DMD: variants seen among roughly 807,000 people sequenced by gnomAD.
DMD encodes mutant dystrophin.
Under a neutral mutation model 330.1 loss-of-function variants are expected in DMD, and 63 were observed. The ratio of observed to expected loss-of-function variants is 0.19; its 90% CI spans 0.16 to 0.24. The LOEUF (loss-of-function observed/expected upper bound fraction) is 0.24. DMD is among the 10% of genes least tolerant of loss of function. The probability of loss-of-function intolerance (pLI) is 1.00; values close to 1 mark genes in which losing one functional copy is unlikely to be tolerated. For synonymous variants in DMD, 1,223 were observed against 959.8 expected (o/e 1.27, Z -5.07); for missense variants, 3,344 against 2,684.1 (o/e 1.25, Z -5.43).
chrX:32,543,330 CT>C lies in DMD; in HGVS notation c.2168+1828del, dbSNP rs756531179. On this transcript the variant is annotated intron_variant, in intron 17 of 78. Coordinates refer to ENST00000357033, the MANE Select transcript of DMD (RefSeq NM_004006.3). ...GAAAACAAAAAGAAGTCAGAACACA[CT>C]TTTTTTTTTTTTCCAACACAATCCA... Among the ~76,000 whole-genome samples the C allele has an allele frequency of 2.9e-3, 297 of 103,591 alleles. 2 individuals carry two copies. Among genetic ancestry groups the C allele is most frequent in the Middle Eastern group, 4.9e-3 (1 of 204 alleles). 90.0% of individuals were successfully genotyped at this position (103,591 alleles called of 115,157 possible). A position where few individuals can be genotyped will look rare whatever the true frequency, so the allele number is the denominator to read the frequency against.
rs1374590369 is a variant in DMD at position 33,211,292 on chromosome X, T to C, written c.21A>G (p.Val7=). The change falls in exon 1 of 79, where the codon GTA becomes GTG. Residue 7 remains valine (V), a synonymous_variant. Transcript: ENST00000357033. MLWWEE[V]EDCYEREDVQ... ...TTACTTTGTACTTACAACAGTCCTC[T>C]ACTTCTTCCCACCAAAGCATTTTGA... 2 of 1,207,789 alleles carry C rather than the reference T, an allele frequency of 1.7e-6. No individual in the cohort carries two copies. Among genetic ancestry groups the C allele is most frequent in the Admixed American group, 4.4e-5 (2 of 45,434 alleles).
rs759820971 is a variant in DMD, at chrX:32,438,359, T to C, written c.3953A>G (p.Asp1318Gly). ...CAATATGCGAATCTGATTTGGGTTATCCTCTGAATGTCGCATCAAATTTTC... is the reference window on the plus strand; with the variant it reads ...CAATATGCGAATCTGATTTGGGTTACCCTCTGAATGTCGCATCAAATTTTC... Reference protein sequence around the residue: ...SLENLMRHSEDNPNQIRILAQ... With the variant: ...SLENLMRHSEGNPNQIRILAQ... Residue 1318 changes from aspartate to glycine, a missense_variant, in exon 29 of 79, where the codon GAT (aspartate) becomes GGT (glycine). Transcript: ENST00000357033. The C allele has an allele frequency of 4.1e-6, 5 of 1,211,779 alleles. No homozygotes were observed. In the East Asian group the frequency reaches 1.5e-4, roughly 36 times the overall value.
rs181014668 is a variant in DMD at position 32,732,905 on chromosome X, C to G, written c.650-33612G>C. On this transcript the variant is annotated intron_variant, in intron 7 of 78. Coordinates refer to ENST00000357033, the MANE Select transcript of DMD (RefSeq NM_004006.3). Reference sequence around the variant, plus strand: ...TCATAATGACAGGATCAAATTCACACATAACAATATTAACCTTAAATGTAA... The same window carrying G: ...TCATAATGACAGGATCAAATTCACAGATAACAATATTAACCTTAAATGTAA... Among the ~76,000 whole-genome samples the G allele has an allele frequency of 2.7e-5, 3 of 110,819 alleles. No homozygotes were observed. In the South Asian group the frequency reaches 1.1e-3, roughly 42 times the overall value.
At chrX:32,296,055 C>CTCGT (rs1419495437) in intron 42 of DMD, among the ~76,000 whole-genome samples, 1 of 112,138 alleles carries the variant, frequency 8.9e-6, no homozygotes, top group Admixed American at 9.5e-5. Context: ...TATAGCAAAG[C>CTCGT]TCGTTGCTTC....
intron 21 of DMD, among the ~76,000 whole-genome samples, chrX:32,474,245 G>C (rs1405399649): frequency 9.5e-6 from 1 of 105,602 alleles, no homozygotes; most frequent in Admixed American, 1.0e-4. Context: ...ACTCACCACA[G>C]TTTCTTTAAC....
intron 4 of DMD, among the ~76,000 whole-genome samples, chrX:32,838,075 C>T (rs1480002981): frequency 9.0e-6 from 1 of 111,660 alleles, no homozygotes; most frequent in Non-Finnish European, 1.9e-5. Context: ...ATGTCATAAA[C>T]TTGACAGTGG....
chrX:33,156,928 T>A lies in DMD; in HGVS notation c.31+54354A>T, dbSNP rs188950170. Reference sequence around the variant, plus strand: ...AAGAAAATGTCTGTATTTTTTAATGTCCTTTGAAATTATTACTCTAGTCAT... The same window carrying A: ...AAGAAAATGTCTGTATTTTTTAATGACCTTTGAAATTATTACTCTAGTCAT... On this transcript the variant is annotated intron_variant, in intron 1 of 78. Coordinates refer to ENST00000357033, the MANE Select transcript of DMD (RefSeq NM_004006.3). Among the ~76,000 whole-genome samples, 315 of 111,913 alleles carry A rather than the reference T, an allele frequency of 2.8e-3. 1 individual carries two copies. The highest frequency in any genetic ancestry group is 9.5e-3 in the African/African-American group (293 of 30,861).
chrX:32,932,542 G>GA (rs753643748), intron 2 of DMD, among the ~76,000 whole-genome samples: 1 of 111,240 alleles, frequency 9.0e-6, no homozygotes, highest in African/African-American at 3.3e-5. Flanking sequence ...AATAAAGGTA[G>GA]AAAAAAAGGG....
At chrX:31,857,539 CATTAACTATATT>C (rs2093636213) in intron 48 of DMD, among the ~76,000 whole-genome samples, 1 of 109,664 alleles carries the variant, frequency 9.1e-6, no homozygotes, top group Non-Finnish European at 1.9e-5. Context: ...TGGATGTTTT[CATTAACTATATT>C]ATTTGTGCCC....
chrX:31,738,644 A>G (rs2087055181), intron 51 of DMD, among the ~76,000 whole-genome samples: 2 of 112,327 alleles, frequency 1.8e-5, no homozygotes, highest in Admixed American at 9.4e-5. Context: ...TTGCAGCGCT[A>G]TTCACAATAG....
intron 59 of DMD, among the ~76,000 whole-genome samples, chrX:31,449,527 A>G (rs1030812683): frequency 9.1e-6 from 1 of 109,484 alleles, no homozygotes; most frequent in Non-Finnish European, 1.9e-5. Flanking sequence ...GATATTAGCC[A>G]GGATGTAATT....
intron 44 of DMD, among the ~76,000 whole-genome samples, chrX:32,065,069 C>A (rs1347656786): frequency 9.0e-6 from 1 of 111,179 alleles, no homozygotes; most frequent in African/African-American, 3.3e-5. Context: ...CCAAAGAATT[C>A]TTTCATAGTC....
intron 1 of DMD, among the ~76,000 whole-genome samples, chrX:33,056,961 G>A (rs1465463410): frequency 1.8e-5 from 2 of 111,230 alleles, no homozygotes; most frequent in African/African-American, 3.3e-5. Context: ...TTATGAAAAA[G>A]CAAGCTCATG....
intron 1 of DMD, among the ~76,000 whole-genome samples, chrX:33,268,539 C>G (rs1038482037): frequency 9.0e-6 from 1 of 111,564 alleles, no homozygotes; most frequent in Non-Finnish European, 1.9e-5. Context: ...AACAAACATA[C>G]GAAGAAATGC....
intron 55 of DMD, among the ~76,000 whole-genome samples, chrX:31,617,825 A>T (rs1387608356): frequency 8.9e-6 from 1 of 111,794 alleles, no homozygotes; most frequent in Non-Finnish European, 1.9e-5. Context: ...AATCAACCTA[A>T]ATGCCCATCA....
Position 33,010,244 on chromosome X carries a change from G to GTGTGTATATGTGTACATA in DMD, c.93+9894_93+9895insTATGTACACATATACACA, listed in dbSNP as rs1392849596. Among the ~76,000 whole-genome samples, 56 of 99,954 alleles carry GTGTGTATATGTGTACATA rather than the reference G, an allele frequency of 5.6e-4. No homozygotes were observed. The East Asian group carries it at 0.014, about 24-fold the overall frequency. 86.8% of individuals were successfully genotyped at this position (99,954 alleles called of 115,157 possible). ...CATATGTGTGTATATATGTACATAT[G>GTGTGTATATGTGTACATA]TGTGTATATATGTACAAATATGTGT... On this transcript the variant is annotated intron_variant, in intron 2 of 78. Coordinates refer to ENST00000357033, the MANE Select transcript of DMD (RefSeq NM_004006.3).
chrX:32,054,838 G>A (rs1316690182), intron 44 of DMD, among the ~76,000 whole-genome samples: 2 of 85,277 alleles, frequency 2.3e-5, no homozygotes, highest in Non-Finnish European at 4.6e-5. Flanking sequence ...GGGAGGGAAG[G>A]GAAGGGAAGG....
At chrX:32,299,387 TCA>T (rs1280403977) in intron 42 of DMD, among the ~76,000 whole-genome samples, 1 of 110,868 alleles carries the variant, frequency 9.0e-6, no homozygotes, top group Non-Finnish European at 1.9e-5. Context: ...AAAACTGGAT[TCA>T]CAGTTTTTAT....
intron 62 of DMD, among the ~76,000 whole-genome samples, chrX:31,284,583 T>TTCTTCTTCTC (rs1491561503): frequency 1.0e-5 from 1 of 97,425 alleles, no homozygotes; most frequent in Admixed American, 1.1e-4. Context: ...TTCTTCTTCT[T>TTCTTCTTCTC]CTTCTTCTTC....
Sources: gnomAD v4.1 joint callset for allele counts (sites outside exome capture counted in the v4.1 genomes callset) on GRCh38, gnomAD v4.1.1 for gene constraint, MANE v1.5 for transcripts, NCBI Gene and HGNC (gene_info 2026-07-23, HGNC 2026-07-21) for gene names.